FNIP2: variants seen among roughly 807,000 people sequenced by gnomAD.
The protein encoded by FNIP2 is folliculin interacting protein 2.
A neutral mutation model predicts 108.7 loss-of-function variants in FNIP2; 32 were observed. That is an observed-to-expected ratio of 0.29 (90% CI 0.22 to 0.40). The LOEUF (loss-of-function observed/expected upper bound fraction) is 0.40, where lower values mean the gene tolerates loss of function less well. Ranked by LOEUF, FNIP2 falls within the 10% of genes least tolerant of loss-of-function variation. The pLI is 1.00. For synonymous variants in FNIP2, 480 were observed against 496.7 expected, an observed-to-expected ratio of 0.97 and a Z score of 0.45; for missense variants, 1,202 against 1,381.6, an observed-to-expected ratio of 0.87 and a Z score of 2.06.
intron 3 of FNIP2, among the ~76,000 whole-genome samples, chr4:158,829,711 GGTGTGTGTGTGT>G (rs142274727): frequency 2.7e-5 from 4 of 148,262 alleles, no homozygotes; most frequent in Non-Finnish European, 4.5e-5. Flanking sequence ...GTGTGTGTGG[GGTGTGTGTGTGT>G]GTGTGTGTGT....
intron 1 of FNIP2, among the ~76,000 whole-genome samples, chr4:158,789,018 G>A (rs760227761): frequency 6.6e-6 from 1 of 152,214 alleles, no homozygotes; most frequent in African/African-American, 2.4e-5. Context: ...AACTCCAGGG[G>A]CTGTGACCTG....
chr4:158,858,405 A>C (rs1417939094), intron 8 of FNIP2, among the ~76,000 whole-genome samples: 2 of 152,224 alleles, frequency 1.3e-5, no homozygotes, highest in Non-Finnish European at 2.9e-5. Context: ...CTTACCCCAC[A>C]AGACAAATTA....
intron 1 of FNIP2, among the ~76,000 whole-genome samples, chr4:158,776,852 T>A (rs1775879587): frequency 6.6e-6 from 1 of 152,220 alleles, no homozygotes. Flanking sequence ...TCTCTAGTAT[T>A]CCAGAATCTG....
chr4:158,900,944 A>G lies in FNIP2; in HGVS notation c.3267-3522A>G, dbSNP rs1036827091. Among the ~76,000 whole-genome samples, 4 of 151,988 alleles carry G rather than the reference A, an allele frequency of 2.6e-5. No individual in the cohort carries two copies. The East Asian group carries it at 5.8e-4, about 22-fold the overall frequency. On this transcript the variant is annotated intron_variant, in intron 16 of 16. Transcript: ENST00000264433. ...CTTCATAGTGTTGATGGTCTTTACA[A>G]TTTGGTATGTTTTTGCAGTGGCTGG...
At chr4:158,789,150 G>A (rs1046084510) in intron 1 of FNIP2, among the ~76,000 whole-genome samples, 2 of 152,156 alleles carry the variant, frequency 1.3e-5, no homozygotes, top group African/African-American at 4.8e-5. Context: ...AAGGTTTGGA[G>A]GGTAGTACAA....
At chr4:158,884,513 C>T (rs181302704) in intron 14 of FNIP2, among the ~76,000 whole-genome samples, 8 of 152,094 alleles carry the variant, frequency 5.3e-5, no homozygotes, top group African/African-American at 1.2e-4. Flanking sequence ...GTTTCCAGGG[C>T]GAGGGATGGA....
intron 1 of FNIP2, among the ~76,000 whole-genome samples, chr4:158,820,541 G>T (rs1777826300): frequency 6.6e-6 from 1 of 152,176 alleles, no homozygotes; most frequent in African/African-American, 2.4e-5. Flanking sequence ...GTCAGATCGT[G>T]TCATTCTCTT....
In FNIP2 at chr4:158,769,117, C is replaced by T; in HGVS notation, c.-96C>T. The T allele has an allele frequency of 2.6e-6, 1 of 383,482 alleles. No individual in the cohort carries two copies. The highest frequency in any genetic ancestry group is 3.5e-6 in the Non-Finnish European group (1 of 282,618). The allele number at this position is 383,482 out of a possible 1,614,324, so 23.8% of individuals were successfully genotyped here. A position where few individuals can be genotyped will look rare whatever the true frequency, so the allele number is the denominator to read the frequency against. ...CTCCCGCAAGGCTGGGCGGCCGCGC[C>T]GCCGCGATGGCCCCGCCACCGCGGC... is the stretch of plus-strand genomic sequence containing the variant. On this transcript the variant is annotated 5_prime_UTR_variant, in exon 1 of 17. Coordinates refer to ENST00000264433, the MANE Select transcript of FNIP2 (RefSeq NM_020840.3).
chr4:158,774,549 T>A (rs1382578253), intron 1 of FNIP2, among the ~76,000 whole-genome samples: 1 of 152,206 alleles, frequency 6.6e-6, no homozygotes, highest in Non-Finnish European at 1.5e-5. Flanking sequence ...CTCCTATTAT[T>A]AAAAGTAATA....
intron 1 of FNIP2, among the ~76,000 whole-genome samples, chr4:158,819,504 A>C (rs1206561452): frequency 1.3e-5 from 2 of 152,244 alleles, no homozygotes; most frequent in African/African-American, 4.8e-5. Context: ...CTCAGTGGTG[A>C]TTTTTTATGC....
At chr4:158,858,598 G>A (rs1279727446) in intron 8 of FNIP2, among the ~76,000 whole-genome samples, 1 of 152,102 alleles carries the variant, frequency 6.6e-6, no homozygotes, top group African/African-American at 2.4e-5. Flanking sequence ...ACTTGATCTA[G>A]TAGTTTTAAT....
chr4:158,835,355 T>C lies in FNIP2; in HGVS notation c.656-50T>C, dbSNP rs545008046. The C allele has an allele frequency of 8.2e-5, 127 of 1,545,654 alleles. 2 individuals are homozygous for C. The South Asian group carries it at 1.4e-3, about 17-fold the overall frequency. The stretch of plus-strand genomic sequence containing the variant: ...AAATTACTGCAGTCATTTTAAAAAC[T>C]TTATCTCTGAAGAGCCCAATAACAT... On this transcript the variant is annotated intron_variant, in intron 6 of 16. Transcript: ENST00000264433.
intron 16 of FNIP2, among the ~76,000 whole-genome samples, chr4:158,902,797 C>G (rs550995577): frequency 1.3e-5 from 2 of 152,162 alleles, no homozygotes; most frequent in Admixed American, 6.5e-5. Flanking sequence ...GAGGCTAAAC[C>G]GCTTACTCAA....
chr4:158,859,097 A>T lies in FNIP2; in HGVS notation c.898A>T (p.Ser300Cys). ...ETFSLAEETC[S>C]SNPAMVRRKK... The stretch of plus-strand genomic sequence containing the variant: ...ATTCAGCTTGGCTGAAGAAACCTGT[A>T]GCTCTAATCCAGCTATGGTTAGGAG... Residue 300 changes from serine (S) to cysteine (C), a missense_variant, in exon 9 of 17, where the codon AGC becomes TGC. Ser to Cys is a moderately radical substitution (Grantham distance 112). This residue lies in a region of FNIP2 where 878 missense variants were observed against 990.3 expected (regional missense o/e 0.89). Coordinates refer to ENST00000264433, the MANE Select transcript of FNIP2 (RefSeq NM_020840.3). The T allele has an allele frequency of 2.5e-6, 4 of 1,614,016 alleles. No homozygotes were observed. Among genetic ancestry groups the T allele is most frequent in the Non-Finnish European group, 3.4e-6 (4 of 1,179,868 alleles).
At chr4:158,870,778 C>T (rs945029475) in intron 14 of FNIP2, among the ~76,000 whole-genome samples, 2 of 152,200 alleles carry the variant, frequency 1.3e-5, no homozygotes, top group Non-Finnish European at 2.9e-5. Flanking sequence ...TCCTGCCATC[C>T]CTCCTCCCAT....
chr4:158,806,538 A>C, intron 1 of FNIP2: 1 of 676,384 alleles, frequency 1.5e-6, no homozygotes, highest in South Asian at 1.8e-5. Context: ...AGTGCTTCTA[A>C]GTAGGAGAAA....
rs1780731423 is a variant in FNIP2, at chr4:158,868,608, C to T, written c.1972C>T (p.Pro658Ser). 1 of 1,613,722 alleles carries T rather than the reference C, an allele frequency of 6.2e-7. No individual in the cohort carries two copies. The highest frequency in any genetic ancestry group is 8.5e-7 in the Non-Finnish European group (1 of 1,179,812). Residue 658 changes from proline to serine, a missense_variant, in exon 13 of 17, where the codon CCG becomes TCG. Pro to Ser is a moderately conservative substitution (Grantham distance 74). This residue lies in a region of FNIP2 where 878 missense variants were observed against 990.3 expected (regional missense o/e 0.89). Transcript: ENST00000264433. This position sits in a 1 kb window ranked among gnomAD's most constrained non-coding sequence, Gnocchi z 4.6. ...TGGGGATGAGAAAAATAAAGAGGCA[C>T]CGCAAGATGGCTCTTCAAGACTTCC... ...FCGDEKNKEA[P>S]QDGSSRLPSC...
At chr4:158,805,797 T>C (rs1218841920) in intron 1 of FNIP2, among the ~76,000 whole-genome samples, 1 of 152,240 alleles carries the variant, frequency 6.6e-6, no homozygotes, top group Non-Finnish European at 1.5e-5. Context: ...ACAGGTCTTG[T>C]GACCAATTAA....
intron 15 of FNIP2, 34 bp from the exon 16 acceptor site, chr4:158,895,716 C>T (rs1461798410): frequency 7.4e-7 from 1 of 1,344,056 alleles, no homozygotes; most frequent in Non-Finnish European, 1.1e-6. Flanking sequence ...GATTTGACTT[C>T]TAGCCCTCAT....
Sources: allele counts gnomAD v4.1 joint callset (sites outside exome capture counted in the v4.1 genomes callset), GRCh38; gene constraint gnomAD v4.1.1; regional missense constraint gnomAD v4.1.1; non-coding constraint Gnocchi (gnomAD v3.1); transcripts MANE v1.5; gene names NCBI Gene and HGNC (gene_info 2026-07-23, HGNC 2026-07-21).